The following MRC1 variants were observed in gnomAD, a reference collection of about 807,000 sequenced individuals.
The protein encoded by MRC1 is mannose receptor C-type 1.
MRC1 carries 62 observed loss-of-function variants against 102.9 expected under a neutral mutation model. The observed-to-expected ratio is 0.60, with a 90% CI of 0.49 to 0.74. MRC1 has a LOEUF of 0.74. MRC1 is among the 30% of genes least tolerant of loss of function. MRC1 has a pLI of 0.00. For missense variants in MRC1, 1,237 were observed against 862.8 expected (o/e 1.43, Z -5.43); for synonymous variants, 457 against 298.4 (o/e 1.53, Z -5.48).
chr10:17,809,637 G>T, intron 1 of MRC1, 111 bp downstream of exon 1: 2 of 811,314 alleles, frequency 2.5e-6, no homozygotes, highest in South Asian at 2.7e-5. Flanking sequence ...AGGAGGAAAC[G>T]GGGTTCCCCT....
In MRC1 at chr10:17,856,245, G is replaced by A; in HGVS notation, c.1411G>A (p.Gly471Arg). 1.2e-6 allele frequency: 1 copy of A among 863,956 alleles called. No individual in the cohort carries two copies. The highest frequency in any genetic ancestry group is 1.7e-5 in the Admixed American group (1 of 57,866). 53.5% of individuals were successfully genotyped at this position (863,956 alleles called of 1,614,324 possible). ...EDCVVMKGKD[G>R]YWADRGCEWP... is the part of the protein sequence containing the mutation. ...TCTCTCTCTCTGCTCCCTGCAGGAT[G>A]GGTACTGGGCAGATCGGGGCTGTGA... Residue 471 changes from glycine to arginine, a missense_variant, in exon 9 of 30, where the codon GGG becomes AGG. Physicochemically the swap from Gly to Arg is moderately radical, Grantham distance 125. Coordinates refer to ENST00000569591, the MANE Select transcript of MRC1 (RefSeq NM_002438.4).
At chr10:17,823,847 T>C (rs1489958593) in intron 2 of MRC1, among the ~76,000 whole-genome samples, 2 of 152,352 alleles carry the variant, frequency 1.3e-5, no homozygotes, top group African/African-American at 4.8e-5. Flanking sequence ...TAGCCAAATA[T>C]GTCTTTTCCT....
At chr10:17,887,587 C>CA (rs1696781401) in intron 22 of MRC1, among the ~76,000 whole-genome samples, 1 of 152,072 alleles carries the variant, frequency 6.6e-6, no homozygotes, top group Non-Finnish European at 1.5e-5. Context: ...AAATCAAAAA[C>CA]GTTCATTATT....
At chr10:17,870,128 A>G in intron 12 of MRC1, 118 bp from the exon 13 acceptor site, 1 of 686,476 alleles carries the variant, frequency 1.5e-6, no homozygotes, top group East Asian at 2.5e-5. Context: ...CATTGTTTTG[A>G]GTCATTACAC....
At chr10:17,867,920 G>A (rs1475631504) in intron 12 of MRC1, among the ~76,000 whole-genome samples, 2 of 152,302 alleles carry the variant, frequency 1.3e-5, no homozygotes, top group African/African-American at 4.8e-5. Context: ...GTGAGGAAAG[G>A]AAATGATAGG....
At chr10:17,891,673 G>C (rs1833678445) in intron 22 of MRC1, among the ~76,000 whole-genome samples, 1 of 152,172 alleles carries the variant, frequency 6.6e-6, no homozygotes, top group Non-Finnish European at 1.5e-5. Flanking sequence ...TTTAGTGTGA[G>C]GTTTCATGTT....
At chr10:17,900,085 C>T (rs1589196069) in intron 24 of MRC1, among the ~76,000 whole-genome samples, 4 of 127,886 alleles carry the variant, frequency 3.1e-5, no homozygotes, top group African/African-American at 9.4e-5. Flanking sequence ...GGGACAAGAG[C>T]GAGACTTCTC....
chr10:17,885,646 G>T (rs1289021074), intron 22 of MRC1, among the ~76,000 whole-genome samples: 1 of 152,154 alleles, frequency 6.6e-6, no homozygotes, highest in Non-Finnish European at 1.5e-5. Flanking sequence ...TGGCAATAGT[G>T]AGAGGTCAGG....
intron 5 of MRC1, among the ~76,000 whole-genome samples, chr10:17,841,949 C>T (rs1838758899): frequency 6.6e-6 from 1 of 152,014 alleles, no homozygotes; most frequent in Non-Finnish European, 1.5e-5. Flanking sequence ...ACTAAACTCT[C>T]CATTTTTGTT....
Position 17,894,260 on chromosome 10 carries a change from G to A in MRC1, c.3198G>A (p.Trp1066Ter). The A allele has an allele frequency of 2.3e-6, 2 of 872,638 alleles. No homozygotes were observed. Among genetic ancestry groups the A allele is most frequent in the Non-Finnish European group, 4.0e-6 (2 of 501,494 alleles). The allele number at this position is 872,638 out of a possible 1,614,324, so 54.1% of individuals were successfully genotyped here. A position where few individuals can be genotyped will look rare whatever the true frequency, so the allele number is the denominator to read the frequency against. Residue 1066 changes from tryptophan (W) to a stop codon, truncating the protein, a stop_gained, in exon 23 of 30, where the codon TGG becomes TGA. Transcript: ENST00000569591. LOFTEE classifies it high-confidence loss of function. ...IGGASNEAGK[W>*]MDDTCDSKRG... ...GTGCATCAAATGAAGCAGGAAAATG[G>A]ATGGATGATACCTGCGACAGTAAAC...
At chr10:17,887,309 T>C (rs1833611675) in intron 22 of MRC1, among the ~76,000 whole-genome samples, 1 of 152,148 alleles carries the variant, frequency 6.6e-6, no homozygotes, top group Non-Finnish European at 1.5e-5. Context: ...GAGAATGGCA[T>C]GAACCCCGGA....
intron 1 of MRC1, among the ~76,000 whole-genome samples, chr10:17,811,520 C>A (rs1427278004): frequency 6.6e-6 from 1 of 151,820 alleles, no homozygotes; most frequent in Non-Finnish European, 1.5e-5. Context: ...TTCAAGGGAC[C>A]CCCCTTCCAG....
chr10:17,868,311 C>T (rs1373089819), intron 12 of MRC1, among the ~76,000 whole-genome samples: 2 of 152,114 alleles, frequency 1.3e-5, no homozygotes, highest in Non-Finnish European at 2.9e-5. Flanking sequence ...CAGGAAATTA[C>T]AATCATGGTG....
In MRC1 at chr10:17,902,080, A is replaced by C; in HGVS notation, c.3757A>C (p.Thr1253Pro). 1 of 780,828 alleles carries C rather than the reference A, an allele frequency of 1.3e-6. No homozygotes were observed. Among genetic ancestry groups the C allele is most frequent in the Non-Finnish European group, 2.4e-6 (1 of 417,938 alleles). 48.4% of individuals were successfully genotyped at this position (780,828 alleles called of 1,614,324 possible). ...CTGTTACTATATTGAGTCCTCATAT[A>C]CAAGAAACTGGGGCCAAGCTTCTCT... is the stretch of plus-strand genomic sequence containing the variant. ...GHCYYIESSY[T>P]RNWGQASLEC... Residue 1253 changes from threonine (T) to proline (P), a missense_variant, in exon 26 of 30, where the codon ACA becomes CCA. Transcript: ENST00000569591.
At chr10:17,829,743 A>G (rs1313855195) in intron 3 of MRC1, among the ~76,000 whole-genome samples, 1 of 151,466 alleles carries the variant, frequency 6.6e-6, no homozygotes. Flanking sequence ...GGGTCCAACT[A>G]TAGCATCCTC....
chr10:17,827,182 T>C (rs932834946), intron 2 of MRC1, among the ~76,000 whole-genome samples: 33 of 151,780 alleles, frequency 2.2e-4, no homozygotes, highest in Non-Finnish European at 4.3e-4. Context: ...CATTTTCCAC[T>C]GTCATTGGTA....
At position 17,872,109 on chromosome 10, in the gene MRC1, T is replaced by C; in HGVS notation, c.2327T>C (p.Ile776Thr). 1 of 780,628 alleles carries C rather than the reference T, an allele frequency of 1.3e-6. No homozygotes were observed. Among genetic ancestry groups the C allele is most frequent in the South Asian group, 1.3e-5 (1 of 74,602 alleles). 48.4% of individuals were successfully genotyped at this position (780,628 alleles called of 1,614,324 possible). Residue 776 changes from isoleucine (I) to threonine (T), a missense_variant, in exon 15 of 30, where the codon ATT becomes ACT. Ile to Thr is a moderately conservative substitution (Grantham distance 89). Transcript: ENST00000569591. The part of the protein sequence containing the change: ...DINCEHLNNW[I>T]CQIQKGQTPK... ...AATTGTGAACACCTTAACAACTGGATTTGCCAGATACAAAAAGGTATGATC... is the reference window on the plus strand; with the variant it reads ...AATTGTGAACACCTTAACAACTGGACTTGCCAGATACAAAAAGGTATGATC...
chr10:17,851,950 T>C (rs1276985148), intron 7 of MRC1, among the ~76,000 whole-genome samples: 1 of 152,230 alleles, frequency 6.6e-6, no homozygotes, highest in Admixed American at 6.5e-5. Context: ...TACCACAACA[T>C]CATCTTTACA....
At chr10:17,830,334 G>A (rs992321439) in intron 3 of MRC1, among the ~76,000 whole-genome samples, 1 of 151,174 alleles carries the variant, frequency 6.6e-6, no homozygotes, top group East Asian at 1.9e-4. Context: ...GTTTCACCAT[G>A]TTGCCCAGGC....
Sources: gnomAD v4.1 joint callset for allele counts (sites outside exome capture counted in the v4.1 genomes callset) on GRCh38, gnomAD v4.1.1 for gene constraint, MANE v1.5 for transcripts, NCBI Gene and HGNC (gene_info 2026-07-23, HGNC 2026-07-21) for gene names.